Variants in NOCT observed in about 807,000 individuals in gnomAD.
NOCT encodes the protein nocturnin, also known as CCR4 carbon catabolite repression 4-like.
A neutral mutation model predicts 35.0 loss-of-function variants in NOCT; 18 were observed. That is an observed-to-expected ratio of 0.51 (90% confidence interval 0.36 to 0.76). The LOEUF (loss-of-function observed/expected upper bound fraction) is 0.76. Among genes scored for constraint, NOCT ranks in the 30% least tolerant of loss-of-function variants. The pLI, the probability that NOCT is intolerant of heterozygous loss-of-function variation, is 0.01. For missense variants in NOCT, 479 were observed against 541.0 expected (o/e 0.89, Z 1.14); for synonymous variants, 235 against 226.3 (o/e 1.04, Z -0.34).
chr4:139,016,454 C>T (rs1458398988), intron 1 of NOCT, among the ~76,000 whole-genome samples: 3 of 151,818 alleles, frequency 2.0e-5, no homozygotes, highest in Non-Finnish European at 2.9e-5. Flanking sequence ...TGTTCTTGAC[C>T]GTTAAATTTC....
chr4:139,030,186 A>G (rs1459759729), intron 1 of NOCT, among the ~76,000 whole-genome samples: 2 of 152,276 alleles, frequency 1.3e-5, no homozygotes, highest in East Asian at 3.9e-4. Context: ...GCCTAGAGTT[A>G]CGTTTAATGG....
chr4:139,024,045 CTT>C (rs368349308), intron 1 of NOCT, among the ~76,000 whole-genome samples: 2 of 130,974 alleles, frequency 1.5e-5, no homozygotes, highest in Admixed American at 8.2e-5. Context: ...TCTATTCATC[CTT>C]TTTTTTTTTT....
intron 1 of NOCT, among the ~76,000 whole-genome samples, chr4:139,019,041 T>G (rs1191484461): frequency 1.3e-5 from 2 of 152,130 alleles, no homozygotes; most frequent in African/African-American, 4.8e-5. Flanking sequence ...TAAGTGCTTT[T>G]TAATTTTAAT....
intron 1 of NOCT, among the ~76,000 whole-genome samples, chr4:139,032,236 G>A (rs1337379477): frequency 7.5e-6 from 1 of 133,510 alleles, no homozygotes; most frequent in Non-Finnish European, 1.6e-5. Flanking sequence ...ATGTAAAAAT[G>A]TGCTTATAGA....
chr4:139,026,093 A>G (rs540167155), intron 1 of NOCT, among the ~76,000 whole-genome samples: 23 of 152,190 alleles, frequency 1.5e-4, no homozygotes, highest in Non-Finnish European at 2.9e-4. Flanking sequence ...CAAATGGACT[A>G]TACAATTTTA....
intron 1 of NOCT, among the ~76,000 whole-genome samples, chr4:139,031,295 A>T (rs1360592994): frequency 6.6e-6 from 1 of 151,722 alleles, no homozygotes; most frequent in Non-Finnish European, 1.5e-5. Context: ...GACAACAGGC[A>T]CCCACCACCA....
chr4:139,037,196 TC>T (rs1726752095), intron 1 of NOCT, among the ~76,000 whole-genome samples: 1 of 152,176 alleles, frequency 6.6e-6, no homozygotes, highest in South Asian at 2.1e-4. Context: ...AGTAAACACT[TC>T]CTAATGATTC....
chr4:139,021,045 C>T (rs1578624212), intron 1 of NOCT, among the ~76,000 whole-genome samples: 3 of 134,438 alleles, frequency 2.2e-5, no homozygotes, highest in African/African-American at 5.9e-5. Flanking sequence ...CCAGCCTGGG[C>T]GACAGTAGGA....
At chr4:139,027,734 G>A (rs1726549609) in intron 1 of NOCT, among the ~76,000 whole-genome samples, 2 of 152,080 alleles carry the variant, frequency 1.3e-5, no homozygotes. Flanking sequence ...TCCTGACCTC[G>A]TGATCCGCCC....
intron 1 of NOCT, among the ~76,000 whole-genome samples, chr4:139,037,763 C>T (rs183412494): frequency 7.2e-5 from 11 of 152,124 alleles, no homozygotes; most frequent in East Asian, 1.9e-4. Flanking sequence ...TGGTGTGCAC[C>T]GGTAGTCTCA....
At chr4:139,029,039 A>G (rs1011548313) in intron 1 of NOCT, among the ~76,000 whole-genome samples, 8 of 151,418 alleles carry the variant, frequency 5.3e-5, no homozygotes, top group African/African-American at 2.0e-4. Context: ...TGGTTTCACC[A>G]TGTTGGTCAG....
At chr4:139,016,211 GC>G in intron 1 of NOCT, 40 bp downstream of exon 1, 1 of 1,198,588 alleles carries the variant, frequency 8.3e-7, no homozygotes, top group Non-Finnish European at 1.0e-6. Flanking sequence ...CGCCACGGCC[GC>G]CAACGCGCGG....
chr4:139,043,384 G>T (rs1429207005), intron 2 of NOCT, 41 bp downstream of exon 2: 1 of 1,591,884 alleles, frequency 6.3e-7, no homozygotes, highest in Non-Finnish European at 8.6e-7. Context: ...CAAGTTTGCT[G>T]TGACTGCCTT....
intron 1 of NOCT, among the ~76,000 whole-genome samples, chr4:139,022,814 C>T (rs1290240846): frequency 6.6e-6 from 1 of 152,076 alleles, no homozygotes; most frequent in Non-Finnish European, 1.5e-5. Flanking sequence ...TACGATGCTG[C>T]CCGGGTACCG....
intron 1 of NOCT, among the ~76,000 whole-genome samples, chr4:139,023,745 G>A (rs1320861201): frequency 6.6e-6 from 1 of 152,052 alleles, no homozygotes; most frequent in East Asian, 1.9e-4. Context: ...TGATACACCC[G>A]CCTCGGCCTC....
At chr4:139,036,152 CAG>C (rs1369604238) in intron 1 of NOCT, among the ~76,000 whole-genome samples, 2 of 152,142 alleles carry the variant, frequency 1.3e-5, no homozygotes, top group African/African-American at 4.8e-5. Flanking sequence ...CTAGAAAGAA[CAG>C]AAGCTCCATG....
chr4:139,018,439 C>T (rs1726354447), intron 1 of NOCT, among the ~76,000 whole-genome samples: 1 of 152,194 alleles, frequency 6.6e-6, no homozygotes, highest in Non-Finnish European at 1.5e-5. Context: ...TAATGAACTT[C>T]TTTTAAGAAA....
chr4:139,024,026 T>C (rs1726469299), intron 1 of NOCT, among the ~76,000 whole-genome samples: 1 of 149,880 alleles, frequency 6.7e-6, no homozygotes, highest in African/African-American at 2.5e-5. Flanking sequence ...TATGGATCTA[T>C]CCTCCGTGTC....
chr4:139,044,679 T>C lies in NOCT; in HGVS notation c.501T>C (p.Val167=). 1 of 1,614,120 alleles carries C rather than the reference T, an allele frequency of 6.2e-7. No homozygotes were observed. Among genetic ancestry groups the C allele is most frequent in the Non-Finnish European group, 8.5e-7 (1 of 1,179,970 alleles). The change falls in exon 3 of 3, where the codon GTT becomes GTC. Residue 167 remains valine (V), a synonymous_variant. Transcript: ENST00000280614. ...AAGACAACTTTGTACAGTGCCCTGT[T>C]GAAGCACTCAAATGGGAAGAAAGGA... ...EGKDNFVQCP[V]EALKWEERKC...
Sources: allele counts gnomAD v4.1 joint callset (sites outside exome capture counted in the v4.1 genomes callset), GRCh38; gene constraint gnomAD v4.1.1; transcripts MANE v1.5; gene names NCBI Gene and HGNC (gene_info 2026-07-23, HGNC 2026-07-21).